The following CHD1 variants were observed in gnomAD, a reference collection of about 807,000 sequenced individuals.
The protein encoded by CHD1 is chromodomain helicase DNA binding protein 1.
CHD1 carries 36 observed loss-of-function variants against 224.2 expected under a neutral mutation model. That is an observed-to-expected ratio of 0.16 (90% CI 0.12 to 0.21). The LOEUF is 0.21. Ranked by LOEUF, CHD1 falls within the 10% of genes least tolerant of loss-of-function variation. The pLI is 1.00. For missense variants in CHD1, 1,378 were observed against 1,994.8 expected (o/e 0.69, Z 5.89); for synonymous variants, 668 against 658.3 (o/e 1.01, Z -0.23).
intron 2 of CHD1, among the ~76,000 whole-genome samples, chr5:98,908,799 G>A (rs1412595339): frequency 2.5e-5 from 2 of 79,858 alleles, no homozygotes; most frequent in East Asian, 2.4e-4. Flanking sequence ...ATACACCCAC[G>A]GAATAAATAA....
At chr5:98,898,471 T>G in intron 9 of CHD1, 37 bp from the exon 10 acceptor site, 1 of 1,444,620 alleles carries the variant, frequency 6.9e-7, no homozygotes, top group Non-Finnish European at 9.2e-7. Flanking sequence ...TTTATTTATT[T>G]TTTTTTACAT....
intron 2 of CHD1, among the ~76,000 whole-genome samples, chr5:98,916,247 CT>C (rs1342810783): frequency 6.6e-6 from 1 of 151,792 alleles, no homozygotes; most frequent in Non-Finnish European, 1.5e-5. Context: ...ATTTAGTTTG[CT>C]TTTTAAAAAA....
chr5:98,881,079 G>A lies in CHD1; in HGVS notation c.3057C>T (p.Phe1019=). 6.2e-7 allele frequency: 1 copy of A among 1,600,066 alleles called. No homozygotes were observed. Among genetic ancestry groups the A allele is most frequent in the African/African-American group, 1.3e-5 (1 of 74,654 alleles). Residue 1019 remains phenylalanine, a synonymous_variant, in exon 22 of 36, where the codon TTC becomes TTT. Transcript: ENST00000614616. ...GGAAAATTTTGTTTAAATCTACCTT[G>A]AACTGGGAAAGCAATTCATCTCCTA... The part of the protein sequence containing the change: ...LTVGDELLSQ[F]KVANFSNMDE...
At chr5:98,924,742 G>A (rs550258337) in intron 2 of CHD1, among the ~76,000 whole-genome samples, 3 of 152,304 alleles carry the variant, frequency 2.0e-5, no homozygotes, top group Admixed American at 6.5e-5. Flanking sequence ...TTGGGAGCTC[G>A]AGGCAGGTGG....
Position 98,855,115 on chromosome 5 carries a change from T to TA in CHD1, c.*1264dup, listed in dbSNP as rs1276470501. The TA allele has an allele frequency of 1.3e-5, 2 of 152,466 alleles. No homozygotes were observed. Among genetic ancestry groups the TA allele is most frequent in the African/African-American group, 2.4e-5 (1 of 41,420 alleles). 9.4% of individuals were successfully genotyped at this position (152,466 alleles called of 1,614,324 possible). A position where few individuals can be genotyped will look rare whatever the true frequency, so the allele number is the denominator to read the frequency against. On this transcript the variant is annotated 3_prime_UTR_variant, in exon 36 of 36. Transcript: ENST00000614616. ...AATACTTTTTCTGGCAGCAAAATGT[T>TA]ACTTAAAAACGGGGGTAGGGGGCGG... is the stretch of plus-strand genomic sequence containing the variant.
At chr5:98,927,361 A>C (rs1317185896) in intron 1 of CHD1, among the ~76,000 whole-genome samples, 1 of 152,152 alleles carries the variant, frequency 6.6e-6, no homozygotes, top group Non-Finnish European at 1.5e-5. Flanking sequence ...AAGCGGGGGA[A>C]GGAGACGTCA....
Position 98,897,279 on chromosome 5 carries a change from C to T in CHD1, c.1407G>A (p.Gln469=). 6.2e-7 allele frequency: 1 copy of T among 1,611,086 alleles called. No individual in the cohort carries two copies. Among genetic ancestry groups the T allele is most frequent in the Non-Finnish European group, 8.5e-7 (1 of 1,177,650 alleles). The change falls in exon 11 of 36, where the codon CAG becomes CAA. Residue 469 remains glutamine (Q), a synonymous_variant. Transcript: ENST00000614616. ...CCTCATGTCCTCCAATATAGGATGG[C>T]TGCTTCTTCAGGGCTACAAACCTTG... ...QRPRFVALKK[Q]PSYIGGHEGL...
At chr5:98,873,407 T>C (rs1421793294) in intron 26 of CHD1, among the ~76,000 whole-genome samples, 186 bp downstream of exon 26, 1 of 152,180 alleles carries the variant, frequency 6.6e-6, no homozygotes, top group Non-Finnish European at 1.5e-5. Context: ...TAAAAACAGA[T>C]TCTACTGCCT....
intron 10 of CHD1, 123 bp downstream of exon 10, chr5:98,898,133 T>C (rs113189116): frequency 3.8e-5 from 18 of 473,894 alleles, no homozygotes; most frequent in African/African-American, 6.0e-5. Context: ...TAAGACCTAT[T>C]AACCAAGAAA....
Position 98,869,646 on chromosome 5 carries a change from A to G in CHD1, c.4107+108T>C, listed in dbSNP as rs962396587. On this transcript the variant is annotated intron_variant, in intron 30 of 35. Transcript: ENST00000614616. ...CGCACACACACACACACACACACACACACACAGACTTCGGTACCTAAAATA... is the reference window on the plus strand; with the variant it reads ...CGCACACACACACACACACACACACGCACACAGACTTCGGTACCTAAAATA... The G allele has an allele frequency of 3.6e-6, 4 of 1,110,812 alleles. No individual in the cohort carries two copies. In the African/African-American group the frequency reaches 6.3e-5, roughly 18 times the overall value. 68.8% of individuals were successfully genotyped at this position (1,110,812 alleles called of 1,614,324 possible). A position where few individuals can be genotyped will look rare whatever the true frequency, so the allele number is the denominator to read the frequency against.
rs766632707 is a variant in CHD1 at position 98,870,816 on chromosome 5, T to C, written c.3862-13A>G. On this transcript the variant is annotated splice_polypyrimidine_tract_variant and intron_variant, in intron 28 of 35. Transcript: ENST00000614616. ...CATCTGGAAGAATCTGAAAAAGCAA[T>C]AAATTTTTTCAGATTGTCTTAATAA... 1.9e-6 allele frequency: 3 copies of C among 1,558,372 alleles called. No individual in the cohort carries two copies. The highest frequency in any genetic ancestry group is 1.1e-5 in the South Asian group (1 of 88,170).
At chr5:98,922,106 C>T (rs1336029611) in intron 2 of CHD1, among the ~76,000 whole-genome samples, 1 of 152,060 alleles carries the variant, frequency 6.6e-6, no homozygotes, top group Non-Finnish European at 1.5e-5. Context: ...GAGCCAAGAT[C>T]GTGCTACTGC....
In CHD1 at chr5:98,879,717, G is replaced by T; in HGVS notation, c.3072C>A (p.Phe1024Leu). Residue 1024 changes from phenylalanine (F) to leucine (L), a missense_variant, in exon 23 of 36, where the codon TTC (phenylalanine) becomes TTA (leucine). Physicochemically the swap from Phe to Leu is conservative, Grantham distance 22 (BLOSUM62 0). Coordinates refer to ENST00000614616, the MANE Select transcript of CHD1 (RefSeq NM_001270.4). ...CAATGTCATCCTCATCCATATTTGAGAAGTTGGCAACCTGATAAATTTCAG... is the reference window on the plus strand; with the variant it reads ...CAATGTCATCCTCATCCATATTTGATAAGTTGGCAACCTGATAAATTTCAG... Reference protein sequence around the residue: ...ELLSQFKVANFSNMDEDDIEL... With the variant: ...ELLSQFKVANLSNMDEDDIEL... The T allele has an allele frequency of 6.3e-7, 1 of 1,591,522 alleles. No individual in the cohort carries two copies. Among genetic ancestry groups the T allele is most frequent in the South Asian group, 1.2e-5 (1 of 85,982 alleles).
chr5:98,883,422 C>A (rs1451682342), intron 18 of CHD1, among the ~76,000 whole-genome samples, 185 bp from the exon 19 acceptor site: 1 of 152,110 alleles, frequency 6.6e-6, no homozygotes, highest in Non-Finnish European at 1.5e-5. Flanking sequence ...ACAGTGTTTA[C>A]TTCTGGTGAA....
chr5:98,907,784 T>A (rs1257825515), intron 2 of CHD1, among the ~76,000 whole-genome samples: 2 of 151,910 alleles, frequency 1.3e-5, no homozygotes, highest in Admixed American at 1.3e-4. Flanking sequence ...CCAACTAATT[T>A]GAAAATGATG....
intron 32 of CHD1, 46 bp from the exon 33 acceptor site, chr5:98,860,114 A>C (rs325203): frequency 1.8e-6 from 2 of 1,092,622 alleles, no homozygotes; most frequent in Non-Finnish European, 2.8e-6. Context: ...CTGGTGGAAA[A>C]TATTTAGTTT....
chr5:98,860,942 T>A (rs568939124), intron 32 of CHD1, among the ~76,000 whole-genome samples: 1 of 152,212 alleles, frequency 6.6e-6, no homozygotes. Context: ...GATTAACTTA[T>A]AAGGGTAAAA....
intron 31 of CHD1, among the ~76,000 whole-genome samples, chr5:98,866,393 G>A (rs556388339): frequency 1.3e-5 from 2 of 152,258 alleles, no homozygotes; most frequent in East Asian, 3.9e-4. Flanking sequence ...CTATATTAGG[G>A]CATGTTGTGG....
chr5:98,897,387 GC>G (rs1751412913), intron 10 of CHD1, 67 bp from the exon 11 acceptor site: 33 of 1,145,184 alleles, frequency 2.9e-5, no homozygotes, highest in Non-Finnish European at 4.0e-5. Flanking sequence ...AAAGATGAAA[GC>G]CTCAGCTTTA....
Sources: allele counts gnomAD v4.1 joint callset (sites outside exome capture counted in the v4.1 genomes callset), GRCh38; gene constraint gnomAD v4.1.1; transcripts MANE v1.5; gene names NCBI Gene and HGNC (gene_info 2026-07-23, HGNC 2026-07-21).